The following PDE7B variants were observed in gnomAD, a reference collection of about 807,000 sequenced individuals.
The protein encoded by PDE7B is 3',5'-cyclic-AMP phosphodiesterase 7B.
In PDE7B, 29 loss-of-function variants were observed where a neutral mutation model predicts 56.2. The observed-to-expected ratio is 0.52, with a 90% CI of 0.38 to 0.70. The LOEUF is 0.70. Among genes scored for constraint, PDE7B ranks in the 30% least tolerant of loss-of-function variants. PDE7B has a pLI of 0.00. For missense variants in PDE7B, 490 were observed against 565.0 expected, an observed-to-expected ratio of 0.87 and a Z score of 1.35; for synonymous variants, 197 against 196.9, an observed-to-expected ratio of 1.00 and a Z score of 0.00.
At chr6:135,904,264 A>G (rs1457535778) in intron 1 of PDE7B, among the ~76,000 whole-genome samples, 1 of 152,192 alleles carries the variant, frequency 6.6e-6, no homozygotes, top group Non-Finnish European at 1.5e-5. Flanking sequence ...CTCCACCTGG[A>G]ATTGGAAACC....
intron 3 of PDE7B, 143 bp from the exon 4 acceptor site, chr6:136,147,208 G>T: frequency 1.9e-6 from 1 of 514,810 alleles, no homozygotes; most frequent in South Asian, 3.9e-5. Context: ...CATTTCAAAT[G>T]TAGAGTTCAA....
chr6:136,162,983 T>C (rs566305475), intron 8 of PDE7B, among the ~76,000 whole-genome samples: 1 of 152,318 alleles, frequency 6.6e-6, no homozygotes, highest in Admixed American at 6.5e-5. Flanking sequence ...GCTGCTTTCA[T>C]GGGATGGCAT....
intron 2 of PDE7B, among the ~76,000 whole-genome samples, chr6:136,010,979 C>T (rs1484388297): frequency 6.6e-6 from 1 of 152,136 alleles, no homozygotes; most frequent in Non-Finnish European, 1.5e-5. Context: ...AAATTACATG[C>T]TCTCTAGTCA....
intron 1 of PDE7B, among the ~76,000 whole-genome samples, chr6:135,887,080 T>C (rs897761104): frequency 6.6e-6 from 1 of 152,160 alleles, no homozygotes; most frequent in Admixed American, 6.6e-5. Context: ...AGGTGGTATC[T>C]CATTGTGGTT....
intron 2 of PDE7B, chr6:135,992,015 A>G (rs981460943): frequency 2.0e-5 from 3 of 152,224 alleles, no homozygotes; most frequent in South Asian, 2.1e-4. Context: ...ATCAAATGTT[A>G]TTATATCCAT....
intron 1 of PDE7B, among the ~76,000 whole-genome samples, chr6:135,910,582 T>C (rs184410378): frequency 6.6e-6 from 1 of 152,286 alleles, no homozygotes; most frequent in African/African-American, 2.4e-5. Context: ...CAATGACACA[T>C]CATTATCATC....
intron 1 of PDE7B, among the ~76,000 whole-genome samples, chr6:135,858,111 CTATTT>C (rs1165344212): frequency 6.6e-6 from 1 of 151,854 alleles, no homozygotes; most frequent in Non-Finnish European, 1.5e-5. Context: ...AGAAAGAGTT[CTATTT>C]TATTTTATGT....
intron 2 of PDE7B, among the ~76,000 whole-genome samples, chr6:136,026,871 C>A (rs1423177063): frequency 1.3e-5 from 2 of 152,194 alleles, no homozygotes; most frequent in East Asian, 3.9e-4. Context: ...AGAAAATAAT[C>A]TGCTATTCAC....
chr6:135,943,358 G>C (rs150196873), intron 1 of PDE7B, among the ~76,000 whole-genome samples: 2 of 152,266 alleles, frequency 1.3e-5, no homozygotes, highest in Non-Finnish European at 2.9e-5. Flanking sequence ...TTTGAATTTT[G>C]ATCAGTCTGA....
chr6:136,013,172 G>A (rs1775921856), intron 2 of PDE7B, among the ~76,000 whole-genome samples: 2 of 152,174 alleles, frequency 1.3e-5, no homozygotes, highest in South Asian at 4.1e-4. Flanking sequence ...ATTCCTATGT[G>A]TATGTAGTCA....
intron 1 of PDE7B, among the ~76,000 whole-genome samples, chr6:135,924,878 T>C (rs1583774339): frequency 6.6e-6 from 1 of 151,746 alleles, no homozygotes; most frequent in African/African-American, 2.4e-5. Context: ...GGTAGGTTGG[T>C]TTTTAAAATA....
At chr6:136,119,406 C>T (rs988009138) in intron 3 of PDE7B, among the ~76,000 whole-genome samples, 60 of 152,144 alleles carry the variant, frequency 3.9e-4, no homozygotes, top group African/African-American at 1.3e-3. Context: ...TTAAAAATTT[C>T]AATGTCCGCC....
At chr6:135,928,437 A>ATATATATATATATATT (rs1774227548) in intron 1 of PDE7B, among the ~76,000 whole-genome samples, 3 of 112,914 alleles carry the variant, frequency 2.7e-5, no homozygotes, top group South Asian at 2.9e-4. Context: ...GATTATATAT[A>ATATATATATATATATT]TATATATATA....
At chr6:136,108,906 T>C in intron 3 of PDE7B, 92 bp downstream of exon 3, 1 of 828,962 alleles carries the variant, frequency 1.2e-6, no homozygotes, top group Non-Finnish European at 2.1e-6. Flanking sequence ...CGAAACCTTC[T>C]GGGGTCTGCC....
chr6:135,984,277 C>T (rs1427121030), intron 2 of PDE7B, among the ~76,000 whole-genome samples: 1 of 152,082 alleles, frequency 6.6e-6, no homozygotes, highest in African/African-American at 2.4e-5. Flanking sequence ...AAATCATAGT[C>T]TCCCAATTGT....
intron 1 of PDE7B, among the ~76,000 whole-genome samples, chr6:135,869,184 G>A (rs1471407324): frequency 6.6e-6 from 1 of 152,032 alleles, no homozygotes; most frequent in Admixed American, 6.6e-5. Context: ...TTTAGGATTG[G>A]GGTGGATAGA....
chr6:135,959,991 C>G (rs528992015), intron 2 of PDE7B, among the ~76,000 whole-genome samples: 8 of 152,116 alleles, frequency 5.3e-5, no homozygotes, highest in Non-Finnish European at 1.0e-4. Flanking sequence ...CCAGGTTGGT[C>G]TTTAACTCCT....
intron 2 of PDE7B, chr6:136,046,312 A>C (rs1776506342): frequency 6.6e-6 from 1 of 152,258 alleles, no homozygotes; most frequent in Admixed American, 6.5e-5. Context: ...TTGCGCACTC[A>C]AATATGTGAT....
intron 3 of PDE7B, among the ~76,000 whole-genome samples, chr6:136,134,535 T>G (rs1482383959): frequency 2.0e-5 from 3 of 152,078 alleles, no homozygotes; most frequent in African/African-American, 7.2e-5. Flanking sequence ...GGAAACTTGA[T>G]CTGCTTCTTA....
Sources: allele counts gnomAD v4.1 joint callset (sites outside exome capture counted in the v4.1 genomes callset), GRCh38; gene constraint gnomAD v4.1.1; transcripts MANE v1.5; gene names NCBI Gene and HGNC (gene_info 2026-07-23, HGNC 2026-07-21).